The following NCAM2 variants were observed in gnomAD, a reference collection of about 807,000 sequenced individuals.
NCAM2 encodes N-CAM-2.
NCAM2 carries 30 observed loss-of-function variants against 98.1 expected under a neutral mutation model. That is an observed-to-expected ratio of 0.31 (90% CI 0.23 to 0.41). The LOEUF is 0.41. Ranked by LOEUF, NCAM2 falls within the 10% of genes least tolerant of loss-of-function variation. The pLI is 1.00. For missense variants in NCAM2, 867 were observed against 1,005.8 expected, an observed-to-expected ratio of 0.86 and a Z score of 1.87; for synonymous variants, 368 against 342.4, an observed-to-expected ratio of 1.07 and a Z score of -0.83.
rs958665826 is a variant in NCAM2 at position 21,468,765 on chromosome 21, C to T, written c.1878C>T (p.Tyr626=). The change falls in exon 14 of 18, where the codon TAC becomes TAT. Residue 626 remains tyrosine, a synonymous_variant. Coordinates refer to ENST00000400546, the MANE Select transcript of NCAM2 (RefSeq NM_004540.5). ...ATGGAGGGGCCCCTATTTTGGAATA[C>T]ATTGTGAAATATAGAAGTGTAAGTA... is the stretch of plus-strand genomic sequence containing the variant. The part of the protein sequence containing the change: ...QDDGGAPILE[Y]IVKYRSKDKE... The T allele has an allele frequency of 1.2e-6, 2 of 1,611,050 alleles. No homozygotes were observed. The highest frequency in any genetic ancestry group is 1.1e-5 in the South Asian group (1 of 90,924).
At chr21:21,400,907 TG>T (rs1189824724) in intron 9 of NCAM2, among the ~76,000 whole-genome samples, 2 of 152,216 alleles carry the variant, frequency 1.3e-5, no homozygotes, top group Admixed American at 1.3e-4. Flanking sequence ...AAAAGTAATA[TG>T]CATGTTTATT....
chr21:21,488,880 T>TGTG (rs1491519307), intron 15 of NCAM2, among the ~76,000 whole-genome samples: 6 of 151,930 alleles, frequency 3.9e-5, no homozygotes, highest in African/African-American at 1.5e-4. Context: ...TGTAACTTTA[T>TGTG]GTGTTTTATT....
At chr21:21,269,643 C>T (rs2072420020) in intron 1 of NCAM2, among the ~76,000 whole-genome samples, 1 of 152,080 alleles carries the variant, frequency 6.6e-6, no homozygotes, top group Admixed American at 6.6e-5. Flanking sequence ...TTATGATTGG[C>T]ACTTAACAAA....
chr21:21,169,355 G>T (rs1396785379), intron 1 of NCAM2, among the ~76,000 whole-genome samples: 1 of 151,974 alleles, frequency 6.6e-6, no homozygotes, highest in Admixed American at 6.6e-5. Flanking sequence ...GAAGATAACA[G>T]GATAAGATCT....
chr21:21,472,404 C>T (rs901212380), intron 14 of NCAM2, among the ~76,000 whole-genome samples: 6 of 151,790 alleles, frequency 4.0e-5, no homozygotes, highest in Non-Finnish European at 5.9e-5. Context: ...AAACATTTTC[C>T]AGTTAATAAT....
chr21:21,365,008 C>G (rs1464350890), intron 8 of NCAM2, among the ~76,000 whole-genome samples: 1 of 152,014 alleles, frequency 6.6e-6, no homozygotes, highest in East Asian at 1.9e-4. Flanking sequence ...AAGCCTACTG[C>G]CTGGAGAGAG....
intron 5 of NCAM2, among the ~76,000 whole-genome samples, chr21:21,319,706 AT>A (rs57536273): frequency 0.32 from 48,204 of 150,566 alleles, 8,399 homozygotes; most frequent in African/African-American, 0.46. Flanking sequence ...GTTGCCTCTT[AT>A]TTTTTTTTTA....
At chr21:21,107,658 A>G (rs548427858) in intron 1 of NCAM2, among the ~76,000 whole-genome samples, 1 of 152,210 alleles carries the variant, frequency 6.6e-6, no homozygotes, top group Admixed American at 6.5e-5. Context: ...TTAAGGGAAG[A>G]CTCTAATCCT....
intron 1 of NCAM2, among the ~76,000 whole-genome samples, chr21:21,242,037 G>A (rs1358924400): frequency 6.6e-6 from 1 of 152,022 alleles, no homozygotes; most frequent in Non-Finnish European, 1.5e-5. Context: ...CATTCAGTCA[G>A]CCATTACACT....
intron 8 of NCAM2, among the ~76,000 whole-genome samples, chr21:21,366,806 C>T (rs916990076): frequency 6.6e-6 from 1 of 152,028 alleles, no homozygotes; most frequent in African/African-American, 2.4e-5. Flanking sequence ...ATACTTTTCC[C>T]TTCCAATTCA....
At chr21:21,440,766 T>C (rs1376301419) in intron 12 of NCAM2, among the ~76,000 whole-genome samples, 1 of 151,942 alleles carries the variant, frequency 6.6e-6, no homozygotes, top group Non-Finnish European at 1.5e-5. Context: ...AATGGATTAA[T>C]AAGAATGCAA....
intron 16 of NCAM2, 103 bp downstream of exon 16, chr21:21,509,158 G>A: frequency 1.9e-6 from 2 of 1,063,818 alleles, no homozygotes; most frequent in Non-Finnish European, 2.8e-6. Context: ...AGGGTAAAGA[G>A]TTTGATTATG....
intron 11 of NCAM2, among the ~76,000 whole-genome samples, chr21:21,429,474 A>G (rs2077283428): frequency 6.6e-6 from 1 of 152,190 alleles, no homozygotes; most frequent in African/African-American, 2.4e-5. Flanking sequence ...ATGACATCCA[A>G]CTTAGACCTA....
At chr21:21,367,790 G>C (rs975756557) in intron 8 of NCAM2, among the ~76,000 whole-genome samples, 1 of 151,606 alleles carries the variant, frequency 6.6e-6, no homozygotes, top group Non-Finnish European at 1.5e-5. Flanking sequence ...GCAAACTGAG[G>C]TACCACTAAG....
At chr21:21,036,965 G>C (rs544747763) in intron 1 of NCAM2, among the ~76,000 whole-genome samples, 2 of 152,268 alleles carry the variant, frequency 1.3e-5, no homozygotes, top group African/African-American at 4.8e-5. Flanking sequence ...ACAAATGGCA[G>C]CTTTTCAGGG....
intron 7 of NCAM2, among the ~76,000 whole-genome samples, chr21:21,337,912 G>C (rs1025094854): frequency 6.6e-6 from 1 of 151,802 alleles, no homozygotes; most frequent in Non-Finnish European, 1.5e-5. Flanking sequence ...TTACTTCTTT[G>C]GTGAAATTGT....
At chr21:21,220,766 T>C (rs1017033118) in intron 1 of NCAM2, among the ~76,000 whole-genome samples, 5 of 152,194 alleles carry the variant, frequency 3.3e-5, no homozygotes, top group Non-Finnish European at 7.4e-5. Flanking sequence ...TGATTCAAAC[T>C]GGGGTGGGGC....
At chr21:21,080,806 A>G (rs1025958655) in intron 1 of NCAM2, among the ~76,000 whole-genome samples, 1 of 152,010 alleles carries the variant, frequency 6.6e-6, no homozygotes, top group African/African-American at 2.4e-5. Flanking sequence ...GCAGATTCAT[A>G]CTGTCTTCAG....
intron 1 of NCAM2, among the ~76,000 whole-genome samples, chr21:21,094,498 A>T (rs910239276): frequency 6.6e-6 from 1 of 151,864 alleles, no homozygotes; most frequent in East Asian, 1.9e-4. Context: ...TATCTAGAAG[A>T]TAAACTATTT....
Sources: allele counts gnomAD v4.1 joint callset (sites outside exome capture counted in the v4.1 genomes callset), GRCh38; gene constraint gnomAD v4.1.1; transcripts MANE v1.5; gene names NCBI Gene and HGNC (gene_info 2026-07-23, HGNC 2026-07-21).